The following TULP4 variants were observed in gnomAD, a reference collection of about 807,000 sequenced individuals.
The protein encoded by TULP4 is tubby-related protein 4.
A neutral mutation model predicts 129.0 loss-of-function variants in TULP4; 16 were observed. That is an observed-to-expected ratio of 0.12 (90% confidence interval 0.08 to 0.19). The LOEUF is 0.19. Among genes scored for constraint, TULP4 ranks in the 10% least tolerant of loss-of-function variants. The pLI is 1.00. For missense variants in TULP4, 1,842 were observed against 2,059.1 expected (o/e 0.89, Z 2.04); for synonymous variants, 998 against 854.0 (o/e 1.17, Z -2.94).
At chr6:158,254,663 A>G (rs1360575353) in intron 1 of TULP4, among the ~76,000 whole-genome samples, 1 of 152,216 alleles carries the variant, frequency 6.6e-6, no homozygotes, top group Admixed American at 6.5e-5. Flanking sequence ...ACCTTGCACA[A>G]TATGTCAAGC....
chr6:158,388,288 A>G (rs1308048047), intron 1 of TULP4, among the ~76,000 whole-genome samples: 1 of 149,296 alleles, frequency 6.7e-6, no homozygotes, highest in Admixed American at 6.7e-5. Flanking sequence ...GAACTTACAT[A>G]CATTGTTTAA....
chr6:158,232,527 G>A (rs1379204900), intron 1 of TULP4, among the ~76,000 whole-genome samples: 1 of 151,640 alleles, frequency 6.6e-6, no homozygotes. Flanking sequence ...GGCGGCCGTG[G>A]CCGCTGCTTG....
At position 158,502,898 on chromosome 6, in the gene TULP4, G is replaced by A. The variant is rs755971368; in HGVS notation, c.3235G>A (p.Asp1079Asn). 2.3e-5 allele frequency: 37 copies of A among 1,613,828 alleles called. No individual in the cohort carries two copies. Among genetic ancestry groups the A allele is most frequent in the South Asian group, 3.3e-5 (3 of 91,062 alleles). ...CCTGAGCCCACCCGACAGCGCCCGC[G>A]ACCGCACCGACTACGTCAACTCGGC... ...SLLSPPDSAR[D>N]RTDYVNSAFT... Residue 1079 changes from aspartate to asparagine, a missense_variant, in exon 13 of 14, where the codon GAC (aspartate) becomes AAC (asparagine). Around this residue, in one of 5 missense-constraint regions of TULP4, gnomAD observed 1,089 missense variants for 987.1 expected, o/e 1.10. Transcript: ENST00000367097.
intron 1 of TULP4, among the ~76,000 whole-genome samples, chr6:158,247,967 C>T (rs1054943325): frequency 3.3e-5 from 5 of 152,194 alleles, no homozygotes; most frequent in Non-Finnish European, 5.9e-5. Flanking sequence ...ACCGGAGGCA[C>T]AAATTCAGCT....
chr6:158,506,335 C>A (rs1349345053), intron 13 of TULP4, among the ~76,000 whole-genome samples: 1 of 146,512 alleles, frequency 6.8e-6, no homozygotes, highest in Non-Finnish European at 1.5e-5. Flanking sequence ...AGGTTTACAC[C>A]ATTCTCCTGC....
At chr6:158,341,225 A>G (rs1780173380) in intron 1 of TULP4, among the ~76,000 whole-genome samples, 1 of 152,094 alleles carries the variant, frequency 6.6e-6, no homozygotes, top group East Asian at 1.9e-4. Context: ...CATTTAACAT[A>G]ATGTCCTCCA....
At chr6:158,389,194 A>T (rs2114940773) in intron 1 of TULP4, among the ~76,000 whole-genome samples, 1 of 152,358 alleles carries the variant, frequency 6.6e-6, no homozygotes, top group Admixed American at 6.5e-5. Context: ...TCATGCCTGT[A>T]ATCCCAGCAC....
chr6:158,303,895 C>T (rs1041361068), intron 1 of TULP4, among the ~76,000 whole-genome samples: 7 of 152,148 alleles, frequency 4.6e-5, no homozygotes, highest in East Asian at 3.8e-4. Flanking sequence ...CAGTCTCTAA[C>T]GTTAATTCAA....
At chr6:158,324,803 G>C (rs940120839) in intron 1 of TULP4, among the ~76,000 whole-genome samples, 5 of 152,194 alleles carry the variant, frequency 3.3e-5, no homozygotes, top group African/African-American at 1.2e-4. Context: ...TGCAGAGCCA[G>C]ATGATGGCAG....
intron 2 of TULP4, among the ~76,000 whole-genome samples, chr6:158,419,030 C>T (rs1318104685): frequency 1.3e-5 from 2 of 152,084 alleles, no homozygotes; most frequent in Admixed American, 6.5e-5. Flanking sequence ...GAATGTAATG[C>T]GTTGTTTCTG....
intron 1 of TULP4, among the ~76,000 whole-genome samples, chr6:158,333,863 CGTG>C (rs1470999472): frequency 2.0e-5 from 3 of 152,126 alleles, no homozygotes; most frequent in Admixed American, 6.5e-5. Context: ...ACAGACCACA[CGTG>C]GTGCTACTTT....
chr6:158,299,221 T>C (rs1366371856), intron 1 of TULP4, among the ~76,000 whole-genome samples: 1 of 152,180 alleles, frequency 6.6e-6, no homozygotes, highest in East Asian at 1.9e-4. Context: ...ATGATGATCC[T>C]CGTCATCCCA....
rs372272746 is a variant in TULP4 at position 158,283,734 on chromosome 6, A to G, written n.116+1356A>G. ...AAGTGCAAGTTGGTCTCCTTTCACT[A>G]GGAAATAAACTGCCTCCAGCCTTCT... On this transcript the variant is annotated intron_variant and non_coding_transcript_variant, in intron 1 of 1. Transcript: ENST00000432358. Among the ~76,000 whole-genome samples, 4 of 152,204 alleles carry G rather than the reference A, an allele frequency of 2.6e-5. 1 individual carries two copies. The South Asian group carries it at 8.3e-4, about 31-fold the overall frequency.
intron 1 of TULP4, among the ~76,000 whole-genome samples, 171 bp downstream of exon 1, chr6:158,314,439 T>A (rs1160387497): frequency 6.6e-6 from 1 of 152,226 alleles, no homozygotes; most frequent in East Asian, 1.9e-4. Context: ...AAGATGGACA[T>A]AGTTCACAGT....
intron 1 of TULP4, chr6:158,237,862 A>G (rs966356869): frequency 1.3e-6 from 1 of 749,984 alleles, no homozygotes; most frequent in South Asian, 1.3e-5. Flanking sequence ...TGGATCTGCA[A>G]GTGAGTAAGC....
At chr6:158,320,178 G>C (rs920408484) in intron 1 of TULP4, among the ~76,000 whole-genome samples, 2 of 152,200 alleles carry the variant, frequency 1.3e-5, no homozygotes, top group African/African-American at 2.4e-5. Flanking sequence ...TGGCTGAGAA[G>C]TGATGCTTTT....
At position 158,376,559 on chromosome 6, in the gene TULP4, A is replaced by G. The variant is rs114434571; in HGVS notation, c.253-36506A>G. Among the ~76,000 whole-genome samples the G allele has an allele frequency of 2.4e-3, 361 of 152,350 alleles. 2 individuals carry two copies. Among genetic ancestry groups the G allele is most frequent in the African/African-American group, 8.3e-3 (344 of 41,592 alleles). On this transcript the variant is annotated intron_variant, in intron 1 of 13. Transcript: ENST00000367097. ...AGAAGCCCACCAGATTCAAGAGGAAAGAACTTAGATCCCACCTCTCAAGAG... is the reference window on the plus strand; with the variant it reads ...AGAAGCCCACCAGATTCAAGAGGAAGGAACTTAGATCCCACCTCTCAAGAG...
chr6:158,341,024 T>G (rs1490033488), intron 1 of TULP4, among the ~76,000 whole-genome samples: 1 of 152,178 alleles, frequency 6.6e-6, no homozygotes, highest in East Asian at 1.9e-4. Context: ...ACACTAGATC[T>G]TATTCCTTCT....
intron 1 of TULP4, among the ~76,000 whole-genome samples, chr6:158,292,642 G>A (rs1010277384): frequency 1.3e-5 from 2 of 152,084 alleles, no homozygotes; most frequent in Admixed American, 1.3e-4. Context: ...TGGTTTTATA[G>A]TATTCTGTTT....
Sources: gnomAD v4.1 joint callset for allele counts (sites outside exome capture counted in the v4.1 genomes callset) on GRCh38, gnomAD v4.1.1 for gene constraint, gnomAD v4.1.1 regional missense constraint, MANE v1.5 for transcripts, NCBI Gene and HGNC (gene_info 2026-07-23, HGNC 2026-07-21) for gene names.